SEL1L: variants seen among roughly 807,000 people sequenced by gnomAD.
SEL1L encodes the protein SEL1L adaptor subunit of SYVN1 ubiquitin ligase, also known as protein sel-1 homolog 1.
SEL1L carries 52 observed loss-of-function variants against 109.8 expected under a neutral mutation model. The ratio of observed to expected loss-of-function variants is 0.47; its 90% confidence interval spans 0.38 to 0.60. SEL1L has a LOEUF of 0.60. Ranked by LOEUF, SEL1L falls within the 20% of genes least tolerant of loss-of-function variation. The pLI, the probability that SEL1L is intolerant of heterozygous loss-of-function variation, is 0.00. For missense variants in SEL1L, 749 were observed against 962.2 expected (o/e 0.78, Z 2.93); for synonymous variants, 373 against 339.6 (o/e 1.10, Z -1.08).
Position 81,533,830 on chromosome 14 carries a change from C to G in SEL1L, c.-86G>C. The G allele has an allele frequency of 3.9e-6, 5 of 1,291,400 alleles. No homozygotes were observed. Among genetic ancestry groups the G allele is most frequent in the Non-Finnish European group, 5.5e-6 (5 of 910,234 alleles). 80.0% of individuals were successfully genotyped at this position (1,291,400 alleles called of 1,614,324 possible). ...CTCAGCCACCACCGCCGCCTCGCCG[C>G]TGCTCTTCCTGCTCTAGTCTCCTTC... On this transcript the variant is annotated 5_prime_UTR_variant, in exon 1 of 21. Transcript: ENST00000336735.
At chr14:81,489,101 T>C in intron 14 of SEL1L, 151 bp downstream of exon 14, 1 of 706,002 alleles carries the variant, frequency 1.4e-6, no homozygotes, top group South Asian at 1.6e-5. Flanking sequence ...TATGGGGTGG[T>C]AGTGAGACAA....
chr14:81,533,705 C>G lies in SEL1L; in HGVS notation c.40G>C (p.Val14Leu). ...RIGLTLLLCAVLLSLASASSD... is the reference protein window; with the variant it reads ...RIGLTLLLCALLLSLASASSD... ...GACGCCGAGGCCAAGCTCAGCAGCA[C>G]CGCACACAGCAGCAGCGTCAGCCCT... Residue 14 changes from valine (V) to leucine (L), a missense_variant, in exon 1 of 21, where the codon GTG (valine) becomes CTG (leucine). Transcript: ENST00000336735. 1.9e-6 allele frequency: 3 copies of G among 1,613,580 alleles called. No homozygotes were observed. The highest frequency in any genetic ancestry group is 2.5e-6 in the Non-Finnish European group (3 of 1,179,878).
At position 81,489,236 on chromosome 14, in the gene SEL1L, C is replaced by T; in HGVS notation, c.1395+16G>A. 1 of 1,610,354 alleles carries T rather than the reference C, an allele frequency of 6.2e-7. No homozygotes were observed. The highest frequency in any genetic ancestry group is 8.5e-7 in the Non-Finnish European group (1 of 1,176,608). The stretch of plus-strand genomic sequence containing the variant: ...TGACTGCTCATTAAAGAGAGAATGT[C>T]AGACTGAACACTTACAACTTGAACT... On this transcript the variant is annotated intron_variant, in intron 14 of 20. Transcript: ENST00000336735.
chr14:81,518,213 T>G (rs1342629256), intron 3 of SEL1L, among the ~76,000 whole-genome samples: 2 of 151,574 alleles, frequency 1.3e-5, no homozygotes, highest in Non-Finnish European at 2.9e-5. Flanking sequence ...CTTCTTGTAC[T>G]CTGACTCTCA....
intron 16 of SEL1L, among the ~76,000 whole-genome samples, chr14:81,486,684 A>G (rs551988049): frequency 4.6e-5 from 7 of 152,180 alleles, no homozygotes; most frequent in African/African-American, 1.7e-4. Context: ...TTGTACTACA[A>G]AAATGACCAT....
At chr14:81,480,176 G>C (rs1463096870) in intron 19 of SEL1L, among the ~76,000 whole-genome samples, 2 of 151,968 alleles carry the variant, frequency 1.3e-5, no homozygotes, top group Admixed American at 1.3e-4. Context: ...CAGATGACAG[G>C]CACGGTGGCT....
intron 10 of SEL1L, among the ~76,000 whole-genome samples, chr14:81,496,979 C>G (rs1269607645): frequency 1.3e-5 from 2 of 152,058 alleles, no homozygotes; most frequent in African/African-American, 4.8e-5. Flanking sequence ...TAGCATCATG[C>G]TGGCAGAGGG....
intron 8 of SEL1L, chr14:81,499,189 T>G: frequency 8.6e-7 from 1 of 1,165,776 alleles, no homozygotes; most frequent in East Asian, 4.0e-5. Flanking sequence ...TCAGAGAAAA[T>G]TTAAAAAGAG....
At chr14:81,525,082 CAG>C (rs1224263032) in intron 3 of SEL1L, among the ~76,000 whole-genome samples, 1 of 152,002 alleles carries the variant, frequency 6.6e-6, no homozygotes, top group Middle Eastern at 3.4e-3. Flanking sequence ...GAGAGAGACA[CAG>C]AGATGTAAAA....
chr14:81,478,231 A>T (rs1162553223), intron 20 of SEL1L, among the ~76,000 whole-genome samples: 1 of 152,164 alleles, frequency 6.6e-6, no homozygotes, highest in Non-Finnish European at 1.5e-5. Flanking sequence ...TTTTCTGGAA[A>T]AAAAATGACA....
At chr14:81,488,551 T>C (rs1450810781) in intron 14 of SEL1L, among the ~76,000 whole-genome samples, 1 of 152,096 alleles carries the variant, frequency 6.6e-6, no homozygotes, top group Non-Finnish European at 1.5e-5. Flanking sequence ...ACATATTACT[T>C]GGAAAGATCA....
chr14:81,493,115 C>T lies in SEL1L; in HGVS notation c.1186-567G>A, dbSNP rs936359845. ...ATTGCAGCCCATTTTTGTTAAGGAC[C>T]TTGTACCATTGGTTATTCCTCTTAT... On this transcript the variant is annotated intron_variant, in intron 11 of 20. Transcript: ENST00000336735. 4.6e-5 allele frequency among the ~76,000 whole-genome samples: 7 copies of T among 152,306 alleles called. No homozygotes were observed. The East Asian group carries it at 1.4e-3, about 29-fold the overall frequency.
In SEL1L at chr14:81,476,721, GA is replaced by G. The variant is rs1029598156; in HGVS notation, c.*250del. 1,515 of 421,300 alleles carry G rather than the reference GA, an allele frequency of 3.6e-3. No homozygotes were observed. The highest frequency in any genetic ancestry group is 5.1e-3 in the South Asian group (121 of 23,856). The allele number at this position is 421,300 out of a possible 1,614,324, so 26.1% of individuals were successfully genotyped here. A position where few individuals can be genotyped will look rare whatever the true frequency, so the allele number is the denominator to read the frequency against. On this transcript the variant is annotated 3_prime_UTR_variant, in exon 21 of 21. Coordinates refer to ENST00000336735, the MANE Select transcript of SEL1L (RefSeq NM_005065.6). The stretch of plus-strand genomic sequence containing the variant: ...GTGTCTCACATATGTTTCCAGAAAA[GA>G]AAAAAAAAAGCCACTGAAAGTTGTT...
At chr14:81,530,454 G>T (rs186082098) in intron 1 of SEL1L, among the ~76,000 whole-genome samples, 179 of 152,182 alleles carry the variant, frequency 1.2e-3, no homozygotes, top group Non-Finnish European at 1.8e-3. Flanking sequence ...CCAAAACAGT[G>T]AAATTAAACA....
intron 19 of SEL1L, among the ~76,000 whole-genome samples, chr14:81,483,539 G>C (rs1003826492): frequency 6.6e-6 from 1 of 151,964 alleles, no homozygotes; most frequent in African/African-American, 2.4e-5. Context: ...ATAAATTTAG[G>C]GAAACAGGAA....
chr14:81,528,717 A>C (rs950793733), intron 1 of SEL1L, among the ~76,000 whole-genome samples: 6 of 152,178 alleles, frequency 3.9e-5, no homozygotes, highest in Non-Finnish European at 7.4e-5. Context: ...CTGTATGAGA[A>C]ATTAACCAGT....
chr14:81,480,853 T>TTTCTCTGC, intron 19 of SEL1L, among the ~76,000 whole-genome samples: 1 of 152,340 alleles, frequency 6.6e-6, no homozygotes, highest in African/African-American at 2.4e-5. Flanking sequence ...CACAGCAACG[T>TTTCTCTGC]TTCTCTGCTT....
intron 19 of SEL1L, 54 bp from the exon 20 acceptor site, chr14:81,479,794 A>G: frequency 2.0e-6 from 3 of 1,506,768 alleles, no homozygotes; most frequent in Non-Finnish European, 2.7e-6. Flanking sequence ...AAGTAAAAAT[A>G]TTTAGTGAAC....
At chr14:81,485,523 C>T in intron 18 of SEL1L, 149 bp downstream of exon 18, 1 of 642,098 alleles carries the variant, frequency 1.6e-6, no homozygotes. Context: ...AACTCCTGAC[C>T]TCAAGTGATC....
Sources: gnomAD v4.1 joint callset for allele counts (sites outside exome capture counted in the v4.1 genomes callset) on GRCh38, gnomAD v4.1.1 for gene constraint, MANE v1.5 for transcripts, NCBI Gene and HGNC (gene_info 2026-07-23, HGNC 2026-07-21) for gene names.